The following ERBB4 variants were observed in gnomAD, a reference collection of about 807,000 sequenced individuals.
The protein encoded by ERBB4 is erb-b2 receptor tyrosine kinase 4, also known as receptor tyrosine-protein kinase erbB-4.
Under a neutral mutation model 158.0 loss-of-function variants are expected in ERBB4, and 42 were observed. The ratio of observed to expected loss-of-function variants is 0.27; its 90% confidence interval spans 0.21 to 0.34. ERBB4 has a LOEUF of 0.34. Ranked by LOEUF, ERBB4 falls within the 10% of genes least tolerant of loss-of-function variation. The pLI is 1.00. For missense variants in ERBB4, 1,333 were observed against 1,624.1 expected (o/e 0.82, Z 3.08); for synonymous variants, 583 against 558.7 (o/e 1.04, Z -0.61).
At chr2:212,370,442 A>T (rs1435563894) in intron 1 of ERBB4, among the ~76,000 whole-genome samples, 1 of 152,180 alleles carries the variant, frequency 6.6e-6, no homozygotes, top group Non-Finnish European at 1.5e-5. Context: ...CCAAAAATCT[A>T]ATTACAATAA....
chr2:212,159,072 C>A (rs1185119125), intron 1 of ERBB4, among the ~76,000 whole-genome samples: 1 of 151,788 alleles, frequency 6.6e-6, no homozygotes, highest in African/African-American at 2.4e-5. Context: ...GAAGAATGCA[C>A]CTTGGAAGGT....
At chr2:211,741,318 T>G (rs1419822184) in intron 5 of ERBB4, among the ~76,000 whole-genome samples, 1 of 152,162 alleles carries the variant, frequency 6.6e-6, no homozygotes, top group Non-Finnish European at 1.5e-5. Flanking sequence ...AATGTCCTAT[T>G]AGTAATCCTT....
At chr2:212,027,839 T>A (rs796815167) in intron 2 of ERBB4, among the ~76,000 whole-genome samples, 9 of 152,202 alleles carry the variant, frequency 5.9e-5, no homozygotes, top group African/African-American at 2.2e-4. Flanking sequence ...TTTTTCAATA[T>A]TTTAACAATA....
At chr2:212,131,802 G>A (rs956958063) in intron 1 of ERBB4, among the ~76,000 whole-genome samples, 1 of 152,196 alleles carries the variant, frequency 6.6e-6, no homozygotes, top group Non-Finnish European at 1.5e-5. Flanking sequence ...GTACGGTCCA[G>A]TGCATTTTGC....
chr2:212,369,634 T>C (rs775573097), intron 1 of ERBB4, among the ~76,000 whole-genome samples: 2 of 152,130 alleles, frequency 1.3e-5, no homozygotes, highest in Non-Finnish European at 2.9e-5. Context: ...ATCAGAGATT[T>C]TGTCATTTAA....
intron 20 of ERBB4, among the ~76,000 whole-genome samples, chr2:211,534,682 T>C (rs2066595857): frequency 6.6e-6 from 1 of 152,074 alleles, no homozygotes; most frequent in Admixed American, 6.5e-5. Flanking sequence ...ATCATTGCTA[T>C]AAGTCTAAAT....
At chr2:211,591,506 G>A (rs1336984711) in intron 19 of ERBB4, among the ~76,000 whole-genome samples, 3 of 152,212 alleles carry the variant, frequency 2.0e-5, no homozygotes, top group Non-Finnish European at 4.4e-5. Context: ...ATCATTGACA[G>A]ACTAAGTCAT....
chr2:211,919,945 A>G (rs1209824571), intron 3 of ERBB4, among the ~76,000 whole-genome samples: 3 of 151,988 alleles, frequency 2.0e-5, no homozygotes, highest in East Asian at 1.9e-4. Flanking sequence ...AACAACCACT[A>G]ATCTTTTTGA....
chr2:211,955,777 A>G (rs147532322), intron 2 of ERBB4, among the ~76,000 whole-genome samples: 3,460 of 152,220 alleles, frequency 0.023, 55 homozygotes, highest in Middle Eastern at 0.071. Context: ...TTGTCCATCT[A>G]TAAATTCTGC....
At chr2:212,492,914 T>C (rs1283372) in intron 1 of ERBB4, among the ~76,000 whole-genome samples, 92 of 151,666 alleles carry the variant, frequency 6.1e-4, no homozygotes, top group African/African-American at 2.1e-3. Context: ...CTCCATACAG[T>C]AGTCATTTAT....
At chr2:211,911,529 A>G (rs992318350) in intron 3 of ERBB4, among the ~76,000 whole-genome samples, 3 of 152,042 alleles carry the variant, frequency 2.0e-5, no homozygotes, top group African/African-American at 7.2e-5. Flanking sequence ...GCCTCTCAAA[A>G]TATTAGGATT....
chr2:212,068,387 C>T (rs997707106), intron 2 of ERBB4, among the ~76,000 whole-genome samples: 1 of 152,040 alleles, frequency 6.6e-6, no homozygotes, highest in African/African-American at 2.4e-5. Context: ...GTTCCCAACA[C>T]AGCCGACTAA....
intron 1 of ERBB4, among the ~76,000 whole-genome samples, chr2:212,190,523 C>T (rs1318395476): frequency 5.5e-5 from 7 of 126,368 alleles, no homozygotes; most frequent in African/African-American, 1.8e-4. Flanking sequence ...GGCAACAGAG[C>T]GAGACTCCGT....
chr2:211,944,409 A>T (rs1182440748), intron 3 of ERBB4, among the ~76,000 whole-genome samples: 1 of 151,490 alleles, frequency 6.6e-6, no homozygotes, highest in African/African-American at 2.4e-5. Context: ...TCATTATACA[A>T]AGTTGATGTT....
At chr2:212,419,032 C>T (rs1026731026) in intron 1 of ERBB4, among the ~76,000 whole-genome samples, 6 of 151,782 alleles carry the variant, frequency 4.0e-5, no homozygotes, top group African/African-American at 1.4e-4. Flanking sequence ...ATACCCTATA[C>T]TCTGCCTGTA....
chr2:211,910,074 C>T (rs1027711184), intron 3 of ERBB4, among the ~76,000 whole-genome samples: 2 of 151,340 alleles, frequency 1.3e-5, no homozygotes, highest in Non-Finnish European at 2.9e-5. Context: ...CATGCACCAC[C>T]ATGGCCAGCT....
chr2:211,647,546 C>CA (rs2070820992), intron 16 of ERBB4, among the ~76,000 whole-genome samples: 1 of 151,620 alleles, frequency 6.6e-6, no homozygotes, highest in Admixed American at 6.6e-5. Flanking sequence ...ATGTTACCCC[C>CA]ATCCATCCAA....
At chr2:212,145,852 C>G (rs545180574) in intron 1 of ERBB4, among the ~76,000 whole-genome samples, 5 of 151,402 alleles carry the variant, frequency 3.3e-5, no homozygotes, top group Non-Finnish European at 7.4e-5. Context: ...TTATCTCTCA[C>G]TTTCCTACCC....
At chr2:211,548,852 G>A (rs1236586811) in intron 20 of ERBB4, among the ~76,000 whole-genome samples, 1 of 152,022 alleles carries the variant, frequency 6.6e-6, no homozygotes, top group Non-Finnish European at 1.5e-5. Context: ...TTTAAACTAA[G>A]ATTTCACATG....
Sources: allele counts gnomAD v4.1 joint callset (sites outside exome capture counted in the v4.1 genomes callset), GRCh38; gene constraint gnomAD v4.1.1; transcripts MANE v1.5; gene names NCBI Gene and HGNC (gene_info 2026-07-23, HGNC 2026-07-21).